CDH13: variants seen among roughly 807,000 people sequenced by gnomAD.
The protein encoded by CDH13 is cadherin 13.
CDH13 carries 24 observed loss-of-function variants against 63.8 expected under a neutral mutation model. That is an observed-to-expected ratio of 0.38 (90% confidence interval 0.27 to 0.53). The LOEUF is 0.53. Among genes scored for constraint, CDH13 ranks in the 20% least tolerant of loss-of-function variants. The pLI is 0.85. For missense variants in CDH13, 1,049 were observed against 903.1 expected (o/e 1.16, Z -2.07); for synonymous variants, 503 against 355.3 (o/e 1.42, Z -4.67).
At chr16:83,547,830 A>G (rs1215612099) in intron 7 of CDH13, among the ~76,000 whole-genome samples, 2 of 152,134 alleles carry the variant, frequency 1.3e-5, no homozygotes, top group East Asian at 1.9e-4. Flanking sequence ...TGAAATAGAT[A>G]AAGGAGTGAG....
At chr16:83,103,724 A>G (rs2034629328) in intron 3 of CDH13, among the ~76,000 whole-genome samples, 2 of 152,204 alleles carry the variant, frequency 1.3e-5, no homozygotes, top group African/African-American at 2.4e-5. Context: ...CCTCATCTGT[A>G]GTATGGGATA....
chr16:82,805,402 G>A (rs2037090938), intron 1 of CDH13, among the ~76,000 whole-genome samples: 1 of 152,172 alleles, frequency 6.6e-6, no homozygotes, highest in African/African-American at 2.4e-5. Flanking sequence ...TCTTATCTCA[G>A]CTATGCAGAG....
intron 6 of CDH13, among the ~76,000 whole-genome samples, chr16:83,415,548 T>TTAA (rs750431462): frequency 1.3e-5 from 2 of 152,116 alleles, no homozygotes; most frequent in Non-Finnish European, 2.9e-5. Flanking sequence ...CAGCAGCACA[T>TTAA]TAAGAGGATC....
In CDH13 at chr16:82,634,184, G is replaced by C. The variant is rs556515079; in HGVS notation, c.45+7047G>C. Among the ~76,000 whole-genome samples, 14 of 152,372 alleles carry C rather than the reference G, an allele frequency of 9.2e-5. No individual in the cohort carries two copies. The Middle Eastern group carries it at 0.017, about 185-fold the overall frequency. On this transcript the variant is annotated intron_variant, in intron 1 of 13. Transcript: ENST00000567109. ...CTGCCACATGCCTGGGCAGGGCCCG[G>C]AAATGAGCTCAGCCTCTGGAGGAGC...
intron 3 of CDH13, among the ~76,000 whole-genome samples, chr16:83,067,167 C>A (rs1014758415): frequency 6.6e-6 from 1 of 152,106 alleles, no homozygotes. Context: ...GCTCTTATTC[C>A]AAAGAGCAGC....
At chr16:82,772,389 C>G (rs937678118) in intron 1 of CDH13, among the ~76,000 whole-genome samples, 1 of 152,104 alleles carries the variant, frequency 6.6e-6, no homozygotes, top group African/African-American at 2.4e-5. Context: ...TACTGCAGCA[C>G]TCATGTATAC....
At chr16:83,503,221 A>G (rs2074324244) in intron 7 of CDH13, among the ~76,000 whole-genome samples, 1 of 152,206 alleles carries the variant, frequency 6.6e-6, no homozygotes, top group African/African-American at 2.4e-5. Flanking sequence ...GGTGAATTGT[A>G]CCCTTTTTTC....
chr16:83,290,242 T>G (rs1350121897), intron 5 of CDH13, among the ~76,000 whole-genome samples: 1 of 152,220 alleles, frequency 6.6e-6, no homozygotes, highest in Non-Finnish European at 1.5e-5. Flanking sequence ...AATGGCTCCC[T>G]AACTGGGATC....
At chr16:82,812,442 G>A (rs535339132) in intron 1 of CDH13, among the ~76,000 whole-genome samples, 1 of 152,268 alleles carries the variant, frequency 6.6e-6, no homozygotes, top group African/African-American at 2.4e-5. Flanking sequence ...GCCTAAAAAT[G>A]AGACTTTGGA....
At position 83,182,065 on chromosome 16, in the gene CDH13, C is replaced by G. The variant is rs538975640; in HGVS notation, c.484-35280C>G. On this transcript the variant is annotated intron_variant, in intron 4 of 13. Coordinates refer to ENST00000567109, the MANE Select transcript of CDH13 (RefSeq NM_001257.5). ...GGAACATAGGAAAAGTGTGCATTGT[C>G]TGGTACTCAGTAATTGCTCAATAAA... is the stretch of plus-strand genomic sequence containing the variant. 2.6e-5 allele frequency among the ~76,000 whole-genome samples: 4 copies of G among 152,300 alleles called. No individual in the cohort carries two copies. The East Asian group carries it at 7.7e-4, about 29-fold the overall frequency.
chr16:83,272,716 G>A (rs1030769937), intron 5 of CDH13, among the ~76,000 whole-genome samples: 12 of 152,110 alleles, frequency 7.9e-5, no homozygotes, highest in Non-Finnish European at 1.8e-4. Flanking sequence ...CCCAATTCAT[G>A]GGGATTGGGC....
rs149387388 is a variant in CDH13, at chr16:83,172,173, A to T, written c.484-45172A>T. On this transcript the variant is annotated intron_variant, in intron 4 of 13. Coordinates refer to ENST00000567109, the MANE Select transcript of CDH13 (RefSeq NM_001257.5). The stretch of plus-strand genomic sequence containing the variant: ...AAGAGAAATTTGGAGATAGACTCAC[A>T]CTCAGAGAGAACTCCACATGAAAAT... 8.3e-4 allele frequency among the ~76,000 whole-genome samples: 126 copies of T among 152,116 alleles called. 2 individuals are homozygous for T. The East Asian group carries it at 0.024, about 28-fold the overall frequency.
chr16:83,657,418 A>G (rs1912965147), intron 8 of CDH13, among the ~76,000 whole-genome samples: 1 of 152,180 alleles, frequency 6.6e-6, no homozygotes. Context: ...TTCTAGGTTC[A>G]TGAGTAGGCA....
chr16:82,696,385 T>TA (rs1259163211), intron 1 of CDH13, among the ~76,000 whole-genome samples: 1 of 152,220 alleles, frequency 6.6e-6, no homozygotes, highest in Admixed American at 6.5e-5. Flanking sequence ...AAGTAAACCT[T>TA]AATTGTATTC....
chr16:82,956,370 G>C (rs938138836), intron 2 of CDH13, among the ~76,000 whole-genome samples: 1 of 151,510 alleles, frequency 6.6e-6, no homozygotes, highest in African/African-American at 2.4e-5. Context: ...TCTAATTTCT[G>C]CTCCAAATGG....
intron 3 of CDH13, among the ~76,000 whole-genome samples, chr16:83,085,130 A>C (rs1170761040): frequency 6.6e-6 from 1 of 151,882 alleles, no homozygotes; most frequent in East Asian, 1.9e-4. Flanking sequence ...AAAGAGGTTT[A>C]ATTGGACTTA....
intron 4 of CDH13, among the ~76,000 whole-genome samples, chr16:83,172,116 G>T (rs1190699770): frequency 6.6e-6 from 1 of 152,024 alleles, no homozygotes; most frequent in Non-Finnish European, 1.5e-5. Flanking sequence ...CATTTGAGTA[G>T]ACCCTAGTAT....
chr16:83,319,152 G>T (rs931887714), intron 5 of CDH13, among the ~76,000 whole-genome samples: 1 of 152,032 alleles, frequency 6.6e-6, no homozygotes, highest in African/African-American at 2.4e-5. Flanking sequence ...TTTTCTTGCT[G>T]CTTGTTGTCT....
At chr16:82,884,913 C>T (rs2040829612) in intron 2 of CDH13, among the ~76,000 whole-genome samples, 1 of 152,228 alleles carries the variant, frequency 6.6e-6, no homozygotes, top group Non-Finnish European at 1.5e-5. Flanking sequence ...TTCTAGCCAG[C>T]TACAGCTCTA....
Sources: allele counts gnomAD v4.1 joint callset (sites outside exome capture counted in the v4.1 genomes callset), GRCh38; gene constraint gnomAD v4.1.1; transcripts MANE v1.5; gene names NCBI Gene and HGNC (gene_info 2026-07-23, HGNC 2026-07-21).